KIF5C: variants seen among roughly 807,000 people sequenced by gnomAD.
KIF5C encodes the protein kinesin heavy chain isoform 5C.
Under a neutral mutation model 125.2 loss-of-function variants are expected in KIF5C, and 18 were observed. The observed-to-expected ratio is 0.14, with a 90% CI of 0.10 to 0.21. The LOEUF is 0.21. Ranked by LOEUF, KIF5C falls within the 10% of genes least tolerant of loss-of-function variation. KIF5C has a pLI of 1.00. For missense variants in KIF5C, 780 were observed against 1,183.8 expected, an observed-to-expected ratio of 0.66 and a Z score of 5.01; for synonymous variants, 405 against 434.0, an observed-to-expected ratio of 0.93 and a Z score of 0.83.
intron 1 of KIF5C, chr2:148,879,104 C>A (rs894498607): frequency 2.0e-5 from 3 of 152,198 alleles, no homozygotes; most frequent in African/African-American, 7.2e-5. Flanking sequence ...ACACCAGCCA[C>A]AGTCTTTCCC....
intron 10 of KIF5C, among the ~76,000 whole-genome samples, chr2:148,957,041 T>C (rs989638140): frequency 1.4e-4 from 21 of 152,234 alleles, no homozygotes; most frequent in African/African-American, 5.1e-4. Context: ...CTGGTTGGTA[T>C]CACAATTGCT....
chr2:148,998,315 G>C (rs1681738238), intron 18 of KIF5C, 85 bp from the exon 19 acceptor site: 1 of 1,531,528 alleles, frequency 6.5e-7, no homozygotes, highest in Non-Finnish European at 8.8e-7. Context: ...CACAGGGAAG[G>C]AGGTAGGTCC....
intron 19 of KIF5C, among the ~76,000 whole-genome samples, chr2:148,999,475 G>T (rs1681784729): frequency 6.6e-6 from 1 of 152,218 alleles, no homozygotes; most frequent in African/African-American, 2.4e-5. Context: ...GAGGAGAATG[G>T]TAACCCAAGC....
intron 5 of KIF5C, 60 bp from the exon 6 acceptor site, chr2:148,941,875 C>T (rs1298903599): frequency 6.4e-7 from 1 of 1,572,874 alleles, no homozygotes; most frequent in African/African-American, 1.4e-5. Context: ...ATTTTTCCTC[C>T]AATATAGAGT....
intron 1 of KIF5C, among the ~76,000 whole-genome samples, chr2:148,903,058 T>G (rs1314225103): frequency 6.6e-6 from 1 of 152,078 alleles, no homozygotes; most frequent in African/African-American, 2.4e-5. Flanking sequence ...TGCAGGCAAG[T>G]GTGCTGTGGC....
chr2:149,005,241 G>A (rs1249078255), intron 21 of KIF5C, among the ~76,000 whole-genome samples, 152 bp from the exon 22 acceptor site: 1 of 152,076 alleles, frequency 6.6e-6, no homozygotes, highest in Non-Finnish European at 1.5e-5. Context: ...TCCAGGGGTG[G>A]GCATGGTCAG....
At position 148,924,586 on chromosome 2, in the gene KIF5C, G is replaced by T. The variant is rs1681920350; in HGVS notation, c.217+2359G>T. Among the ~76,000 whole-genome samples, 2 of 152,138 alleles carry T rather than the reference G, an allele frequency of 1.3e-5. No homozygotes were observed. The highest frequency in any genetic ancestry group is 4.8e-5 in the African/African-American group (2 of 41,406). On this transcript the variant is annotated intron_variant, in intron 2 of 25. Coordinates refer to ENST00000435030, the MANE Select transcript of KIF5C (RefSeq NM_004522.3). The surrounding 1 kb of genome is among the most constrained non-coding windows in gnomAD (Gnocchi z 4.0). Reference sequence around the variant, plus strand: ...GTTTTTCAAAATTTTGCTTGAAAAAGCATGTAGAATTCTCCTCCATTTCTT... The same window carrying T: ...GTTTTTCAAAATTTTGCTTGAAAAATCATGTAGAATTCTCCTCCATTTCTT...
intron 12 of KIF5C, among the ~76,000 whole-genome samples, chr2:148,974,208 G>A (rs937721695): frequency 5.3e-5 from 8 of 152,202 alleles, no homozygotes; most frequent in Admixed American, 5.2e-4. Flanking sequence ...TTGAATTGAT[G>A]TTTTATATGA....
chr2:148,948,276 G>A (rs1379314660), intron 8 of KIF5C, among the ~76,000 whole-genome samples: 1 of 151,152 alleles, frequency 6.6e-6, no homozygotes, highest in Non-Finnish European at 1.5e-5. Context: ...AGAATGGCGT[G>A]AACCCGGGAG....
intron 1 of KIF5C, among the ~76,000 whole-genome samples, chr2:148,898,225 C>T (rs1680741504): frequency 6.6e-6 from 1 of 152,148 alleles, no homozygotes; most frequent in Non-Finnish European, 1.5e-5. Context: ...GAGAGGCTCT[C>T]TCCAGTCTGA....
Position 148,964,774 on chromosome 2 carries a change from G to A in KIF5C, c.1117+2655G>A, listed in dbSNP as rs75522293. On this transcript the variant is annotated intron_variant, in intron 11 of 25. Transcript: ENST00000435030. ...CAGCAGGGAGCACTGGCCTGAGATG[G>A]GCTCGAGGGATAGGCGGGGCTCTCC... Among the ~76,000 whole-genome samples, 1,036 of 152,266 alleles carry A rather than the reference G, an allele frequency of 6.8e-3. 18 individuals are homozygous for A. The highest frequency in any genetic ancestry group is 0.065 in the Middle Eastern group (19 of 294).
intron 16 of KIF5C, 49 bp from the exon 17 acceptor site, chr2:148,994,372 T>G (rs1452117942): frequency 3.2e-6 from 5 of 1,539,606 alleles, no homozygotes; most frequent in East Asian, 4.9e-5. Flanking sequence ...CAGGCCAGCC[T>G]GGATGACCAC....
chr2:148,990,183 T>C (rs1475058863), intron 15 of KIF5C, among the ~76,000 whole-genome samples: 1 of 152,264 alleles, frequency 6.6e-6, no homozygotes, highest in Non-Finnish European at 1.5e-5. Flanking sequence ...GATGGGTTTC[T>C]ATCCCAAGTA....
intron 8 of KIF5C, 108 bp downstream of exon 8, chr2:148,947,131 T>A (rs1682537412): frequency 6.9e-7 from 1 of 1,440,814 alleles, no homozygotes; most frequent in Admixed American, 2.8e-5. Flanking sequence ...AAAGAGCTTT[T>A]AAAGTTTCTG....
intron 1 of KIF5C, among the ~76,000 whole-genome samples, chr2:148,897,038 G>T (rs1418910197): frequency 6.6e-6 from 1 of 152,122 alleles, no homozygotes; most frequent in African/African-American, 2.4e-5. Flanking sequence ...TCACGATGTT[G>T]GCCAGGCTGG....
chr2:148,922,705 A>C (rs1681836826), intron 2 of KIF5C, among the ~76,000 whole-genome samples: 4 of 152,224 alleles, frequency 2.6e-5, no homozygotes, highest in Admixed American at 6.5e-5. Flanking sequence ...GAAATTTTCT[A>C]CAGTGTCATA....
chr2:149,017,335 G>C (rs112766872), intron 25 of KIF5C, among the ~76,000 whole-genome samples: 1 of 152,128 alleles, frequency 6.6e-6, no homozygotes, highest in Non-Finnish European at 1.5e-5. Context: ...TTGTTTTCTC[G>C]TGCAGGCAAG....
intron 25 of KIF5C, among the ~76,000 whole-genome samples, chr2:149,019,161 G>C (rs890940930): frequency 1.3e-5 from 2 of 152,192 alleles, no homozygotes; most frequent in South Asian, 2.1e-4. Context: ...AGTATATAAA[G>C]ATAATCCCCC....
intron 1 of KIF5C, among the ~76,000 whole-genome samples, chr2:148,908,798 A>G (rs1300400845): frequency 6.6e-6 from 1 of 152,228 alleles, no homozygotes; most frequent in Non-Finnish European, 1.5e-5. Context: ...CTTGCTTAAA[A>G]TAGAAAAGAG....
Sources: gnomAD v4.1 joint callset for allele counts (sites outside exome capture counted in the v4.1 genomes callset) on GRCh38, gnomAD v4.1.1 for gene constraint, Gnocchi (gnomAD v3.1) non-coding constraint, MANE v1.5 for transcripts, NCBI Gene and HGNC (gene_info 2026-07-23, HGNC 2026-07-21) for gene names.